Variants in UGT1A9 observed in about 807,000 individuals in gnomAD.
UGT1A9 encodes the protein UDP-glucuronosyltransferase 1A9.
A neutral mutation model predicts 45.0 loss-of-function variants in UGT1A9; 35 were observed. The ratio of observed to expected loss-of-function variants is 0.78; its 90% CI spans 0.59 to 1.03. The LOEUF (loss-of-function observed/expected upper bound fraction) is 1.03, where lower values mean the gene tolerates loss of function less well. Among genes scored for constraint, UGT1A9 ranks in the 50% least tolerant of loss-of-function variants. UGT1A9 has a pLI of 0.00. For missense variants in UGT1A9, 687 were observed against 666.6 expected (o/e 1.03, Z -0.34); for synonymous variants, 278 against 250.6 (o/e 1.11, Z -1.03).
At chr2:233,738,236 C>A (rs1038259131) in intron 1 of UGT1A9, among the ~76,000 whole-genome samples, 4 of 152,220 alleles carry the variant, frequency 2.6e-5, no homozygotes, top group African/African-American at 4.8e-5. Flanking sequence ...GAGGCCCCTC[C>A]AGCCACATGG....
intron 1 of UGT1A9, chr2:233,717,992 T>C: frequency 2.4e-6 from 1 of 424,356 alleles, no homozygotes; most frequent in Non-Finnish European, 4.7e-6. Flanking sequence ...ATTCAGACTG[T>C]GCAAGATCTG....
intron 1 of UGT1A9, among the ~76,000 whole-genome samples, chr2:233,688,805 C>T (rs2074914303): frequency 6.6e-6 from 1 of 152,070 alleles, no homozygotes; most frequent in Admixed American, 6.6e-5. Context: ...TGATTAGCTA[C>T]AAACTGTGAA....
Position 233,681,055 on chromosome 2 carries a change from G to A in UGT1A9, c.855+8266G>A, listed in dbSNP as rs565876175. Among the ~76,000 whole-genome samples the A allele has an allele frequency of 7.2e-5, 11 of 151,908 alleles. No homozygotes were observed. In the East Asian group the frequency reaches 2.2e-3, roughly 30 times the overall value. The stretch of plus-strand genomic sequence containing the variant: ...TGAAAAAAGACAAGCAGCACTTGTG[G>A]CTCACCTGTGTCACAATTGTGGCTC... On this transcript the variant is annotated intron_variant, in intron 1 of 4. Transcript: ENST00000354728.
At chr2:233,765,895 T>C (rs988320482) in intron 1 of UGT1A9, among the ~76,000 whole-genome samples, 1 of 152,066 alleles carries the variant, frequency 6.6e-6, no homozygotes, top group Non-Finnish European at 1.5e-5. Flanking sequence ...AGTGCGCCAC[T>C]GCTCAAACCT....
At chr2:233,690,978 C>T in intron 1 of UGT1A9, 7 of 999,584 alleles carry the variant, frequency 7.0e-6, no homozygotes, top group Non-Finnish European at 7.1e-6. Flanking sequence ...AGAACAGGAC[C>T]CACATATGAG....
At chr2:233,693,986 G>A (rs1011287666) in intron 1 of UGT1A9, 45 of 1,542,954 alleles carry the variant, frequency 2.9e-5, no homozygotes, top group Non-Finnish European at 3.8e-5. Flanking sequence ...GTGGGGGGAA[G>A]TGATACCCGG....
At position 233,772,640 on chromosome 2, in the gene UGT1A9, C is replaced by T; in HGVS notation, c.*81C>T. On this transcript the variant is annotated 3_prime_UTR_variant, in exon 5 of 5. Transcript: ENST00000354728. ...TTGAAAACAGAATCAGTGTTAAATTCATTTTATTCTTATTAAGGAAATACT... is the reference window on the plus strand; with the variant it reads ...TTGAAAACAGAATCAGTGTTAAATTTATTTTATTCTTATTAAGGAAATACT... 2 of 1,552,730 alleles carry T rather than the reference C, an allele frequency of 1.3e-6. No individual in the cohort carries two copies. The highest frequency in any genetic ancestry group is 1.7e-6 in the Non-Finnish European group (2 of 1,148,442).
chr2:233,756,447 C>T (rs1249165740), intron 1 of UGT1A9: 1 of 151,922 alleles, frequency 6.6e-6, no homozygotes, highest in Non-Finnish European at 1.5e-5. Context: ...TTGTTCCCCC[C>T]AAATATTTTC....
intron 1 of UGT1A9, among the ~76,000 whole-genome samples, chr2:233,725,237 G>A: frequency 1.2e-5 from 1 of 85,832 alleles, no homozygotes; most frequent in Non-Finnish European, 2.1e-5. Context: ...AGGCAGAGGA[G>A]GCAGAGGCAG....
At position 233,672,662 on chromosome 2, in the gene UGT1A9, A is replaced by T; in HGVS notation, c.728A>T (p.Asp243Val). 3 of 1,613,884 alleles carry T rather than the reference A, an allele frequency of 1.9e-6. No homozygotes were observed. Among genetic ancestry groups the T allele is most frequent in the Non-Finnish European group, 2.5e-6 (3 of 1,179,828 alleles). Reference sequence around the variant, plus strand: ...CTCCAAACACCTGTTACGGAGTATGATCTCTACAGCCACACATCAATTTGG... The same window carrying T: ...CTCCAAACACCTGTTACGGAGTATGTTCTCTACAGCCACACATCAATTTGG... ...EILQTPVTEY[D>V]LYSHTSIWLL... Residue 243 changes from aspartate (D) to valine (V), a missense_variant, in exon 1 of 5, where the codon GAT becomes GTT. Asp to Val is a radical substitution (Grantham distance 152). Transcript: ENST00000354728.
rs1207870727 is a variant in UGT1A9, at chr2:233,693,825, TTGGAGGTA to T, written c.855+21038_855+21045del. On this transcript the variant is annotated intron_variant, in intron 1 of 4. Transcript: ENST00000354728. The stretch of plus-strand genomic sequence containing the variant: ...CCGGTCATGCCCAACATGGTCTTCA[TTGGAGGTA>T]TCAACTGTAAGAAGAGGAAAGACTT... The T allele has an allele frequency of 3.7e-6, 6 of 1,614,084 alleles. No individual in the cohort carries two copies. The African/African-American group carries it at 5.3e-5, about 14-fold the overall frequency.
intron 1 of UGT1A9, among the ~76,000 whole-genome samples, chr2:233,733,657 G>A (rs1194673085): frequency 2.0e-5 from 3 of 152,158 alleles, no homozygotes; most frequent in South Asian, 2.1e-4. Context: ...GGATGAAGCC[G>A]ACTTGATCGA....
At position 233,690,407 on chromosome 2, in the gene UGT1A9, T is replaced by C. The variant is rs562981607; in HGVS notation, c.855+17618T>C. The C allele has an allele frequency of 2.3e-4, 269 of 1,195,420 alleles. 5 individuals are homozygous for C. In the South Asian group the frequency reaches 3.5e-3, roughly 16 times the overall value. The allele number at this position is 1,195,420 out of a possible 1,614,324, so 74.1% of individuals were successfully genotyped here. On this transcript the variant is annotated intron_variant, in intron 1 of 4. Coordinates refer to ENST00000354728, the MANE Select transcript of UGT1A9 (RefSeq NM_021027.3). Reference sequence around the variant, plus strand: ...TTTCCAGACCTTCCTATTCCCAACATGAAATTACCTTCATGCACATCTTTG... The same window carrying C: ...TTTCCAGACCTTCCTATTCCCAACACGAAATTACCTTCATGCACATCTTTG...
intron 1 of UGT1A9, among the ~76,000 whole-genome samples, chr2:233,701,252 G>A (rs1473537336): frequency 6.6e-6 from 1 of 152,058 alleles, no homozygotes; most frequent in Non-Finnish European, 1.5e-5. Flanking sequence ...AGATGGCTGG[G>A]TCAAATGGTA....
intron 1 of UGT1A9, chr2:233,761,239 G>A (rs147865713): frequency 6.2e-7 from 1 of 1,612,198 alleles, no homozygotes; most frequent in Admixed American, 1.7e-5. Context: ...TATATGCTGA[G>A]CAAGCATTCT....
chr2:233,694,907 G>A (rs1347121458), intron 1 of UGT1A9, among the ~76,000 whole-genome samples: 1 of 152,154 alleles, frequency 6.6e-6, no homozygotes, highest in African/African-American at 2.4e-5. Flanking sequence ...TTTGATACAC[G>A]TATACAATGT....
intron 1 of UGT1A9, among the ~76,000 whole-genome samples, chr2:233,763,620 C>T (rs1442912826): frequency 6.6e-6 from 1 of 152,168 alleles, no homozygotes; most frequent in African/African-American, 2.4e-5. Flanking sequence ...ACTACCATTC[C>T]TCTTGTGTTG....
intron 1 of UGT1A9, among the ~76,000 whole-genome samples, chr2:233,709,126 C>T (rs1018411763): frequency 5.3e-5 from 8 of 152,124 alleles, no homozygotes; most frequent in Non-Finnish European, 1.2e-4. Context: ...ATCATGGTGG[C>T]CAAGGGGATG....
intron 1 of UGT1A9, chr2:233,747,605 A>G: frequency 6.4e-7 from 1 of 1,574,152 alleles, no homozygotes; most frequent in Non-Finnish European, 8.7e-7. Context: ...GTGTGGAGCT[A>G]CTGCATAATG....
Sources: allele counts gnomAD v4.1 joint callset (sites outside exome capture counted in the v4.1 genomes callset), GRCh38; gene constraint gnomAD v4.1.1; transcripts MANE v1.5; gene names NCBI Gene and HGNC (gene_info 2026-07-23, HGNC 2026-07-21).